HEATR4: variants seen among roughly 807,000 people sequenced by gnomAD.
The protein encoded by HEATR4 is HEAT repeat-containing protein 4.
HEATR4 carries 95 observed loss-of-function variants against 108.8 expected under a neutral mutation model. The observed-to-expected ratio is 0.87, with a 90% CI of 0.74 to 1.04. The LOEUF is 1.04. HEATR4 is among the 50% of genes least tolerant of loss of function. HEATR4 has a pLI of 0.00. For synonymous variants in HEATR4, 443 were observed against 459.4 expected, an observed-to-expected ratio of 0.96 and a Z score of 0.46; for missense variants, 1,152 against 1,253.8, an observed-to-expected ratio of 0.92 and a Z score of 1.23.
chr14:73,612,700 C>T, the HEATR4 span: 2 of 1,399,062 alleles, frequency 1.4e-6, no homozygotes, highest in South Asian at 1.6e-5. Context: ...ACGAAGAGGG[C>T]GCGCTCTTCC....
intron 7 of HEATR4, among the ~76,000 whole-genome samples, chr14:73,510,602 A>T (rs1418410151): frequency 6.6e-6 from 1 of 151,878 alleles, no homozygotes; most frequent in Non-Finnish European, 1.5e-5. Context: ...CGCCTGGCTA[A>T]TTTTTGTATT....
intron 17 of HEATR4, chr14:73,491,640 G>A (rs1473089403): frequency 1.3e-6 from 2 of 1,549,916 alleles, no homozygotes; most frequent in Non-Finnish European, 8.7e-7. Flanking sequence ...CTCTTTGAGT[G>A]GCTCATCGCG....
the HEATR4 span, among the ~76,000 whole-genome samples, chr14:73,598,406 G>C: frequency 6.1e-5 from 9 of 148,180 alleles, no homozygotes; most frequent in Non-Finnish European, 1.0e-4. Context: ...AAAAAAAAAA[G>C]AGAGAGATGG....
chr14:73,491,095 C>T lies in HEATR4; in HGVS notation c.2844+1971G>A, dbSNP rs113149296. The T allele has an allele frequency of 3.7e-5, 59 of 1,600,360 alleles. No individual in the cohort carries two copies. The African/African-American group carries it at 5.5e-4, about 15-fold the overall frequency. ...GCCGGCGCAAGCCCCAGCCACACAG[C>T]GGGTCGGTCCTGGCCCTGCCCTTGA... On this transcript the variant is annotated intron_variant, in intron 17 of 17. Transcript: ENST00000553558.
chr14:73,526,473 G>T (rs1333851623), intron 2 of HEATR4, among the ~76,000 whole-genome samples: 2 of 152,206 alleles, frequency 1.3e-5, no homozygotes, highest in Non-Finnish European at 2.9e-5. Context: ...GAACAAGGGA[G>T]TGCCTGCATC....
chr14:73,612,616 G>T, the HEATR4 span: 7 of 1,419,430 alleles, frequency 4.9e-6, no homozygotes, highest in African/African-American at 1.5e-5. Context: ...GCTGCTGCTG[G>T]GACGAGCCGC....
intron 1 of HEATR4, chr14:73,539,490 G>A (rs1889001854): frequency 8.5e-6 from 1 of 117,694 alleles, no homozygotes; most frequent in African/African-American, 2.8e-5. Context: ...CTTTGGCAGG[G>A]GCTGGTGCAG....
chr14:73,566,819 G>A, the HEATR4 span, among the ~76,000 whole-genome samples: 14,769 of 152,182 alleles, frequency 0.097, 1,147 homozygotes, highest in Non-Finnish European at 0.14. Flanking sequence ...CTCAAGTGCC[G>A]CCAAAGTGGG....
At chr14:73,493,298 G>A in intron 16 of HEATR4, 174 bp from the exon 17 acceptor site, 1 of 586,078 alleles carries the variant, frequency 1.7e-6, no homozygotes, top group Non-Finnish European at 3.1e-6. Context: ...TCTTTCATCT[G>A]AGTTCTTTTT....
chr14:73,593,750 G>A, the HEATR4 span: 3 of 1,613,758 alleles, frequency 1.9e-6, no homozygotes, highest in Non-Finnish European at 2.5e-6. Context: ...ATTGGAGGGG[G>A]CCTCTTGGAA....
At chr14:73,504,860 A>G (rs113562249) in intron 10 of HEATR4, among the ~76,000 whole-genome samples, 6 of 152,180 alleles carry the variant, frequency 3.9e-5, no homozygotes, top group Non-Finnish European at 8.8e-5. Flanking sequence ...ATTGGGAAAT[A>G]ATGGCAAAAA....
chr14:73,591,832 G>A, the HEATR4 span: 3 of 914,494 alleles, frequency 3.3e-6, no homozygotes, highest in Non-Finnish European at 4.5e-6. Flanking sequence ...GGCTTTCTGG[G>A]ACTGCTCAGC....
At chr14:73,479,901 C>G (rs1885179153) in intron 17 of HEATR4, among the ~76,000 whole-genome samples, 1 of 152,078 alleles carries the variant, frequency 6.6e-6, no homozygotes, top group Non-Finnish European at 1.5e-5. Context: ...TCTCAAAAGC[C>G]TAACACCAGG....
chr14:73,594,696 A>G, the HEATR4 span, among the ~76,000 whole-genome samples: 10 of 151,322 alleles, frequency 6.6e-5, no homozygotes, highest in East Asian at 1.4e-3. Context: ...TTATTTATTT[A>G]TTTATTTATT....
chr14:73,526,707 C>G (rs941807159), intron 2 of HEATR4, among the ~76,000 whole-genome samples: 5 of 152,256 alleles, frequency 3.3e-5, no homozygotes, highest in Non-Finnish European at 7.3e-5. Flanking sequence ...GAATCCACTG[C>G]TCTGATGGGT....
chr14:73,524,310 A>AAAAATATATATATATATAT, intron 2 of HEATR4, among the ~76,000 whole-genome samples: 2 of 54,778 alleles, frequency 3.7e-5, no homozygotes, highest in East Asian at 4.5e-4. Flanking sequence ...AAAAAAAAAA[A>AAAAATATATATATATATAT]ATATATATAT....
chr14:73,619,590 T>C, the HEATR4 span: 1 of 1,614,218 alleles, frequency 6.2e-7, no homozygotes, highest in Admixed American at 1.7e-5. Context: ...AGATAGCCTC[T>C]GAAAGGCTAC....
At chr14:73,568,133 A>G in the HEATR4 span, 1 of 152,196 alleles carries the variant, frequency 6.6e-6, no homozygotes, top group East Asian at 1.9e-4. Flanking sequence ...TACAAAGGTA[A>G]TTAGAACTGA....
At position 73,502,942 on chromosome 14, in the gene HEATR4, C is replaced by T. The variant is rs1396678299; in HGVS notation, c.2058G>A (p.Gln686=). The change falls in exon 11 of 18, where the codon CAG becomes CAA. Residue 686 remains glutamine, a synonymous_variant. Coordinates refer to ENST00000553558, the MANE Select transcript of HEATR4 (RefSeq NM_001220484.1). ...WNKEVRRAAA[Q]ALGQMSLGKE... Reference sequence around the variant, plus strand: ...TCCCGAGGCTCATTTGCCCAAGCGCCTGTGCAGCTGCTCTCCTCACTTCCT... The same window carrying T: ...TCCCGAGGCTCATTTGCCCAAGCGCTTGTGCAGCTGCTCTCCTCACTTCCT... 2.5e-6 allele frequency: 4 copies of T among 1,613,994 alleles called. No homozygotes were observed. The highest frequency in any genetic ancestry group is 3.4e-6 in the Non-Finnish European group (4 of 1,180,044).
Sources: allele counts gnomAD v4.1 joint callset (sites outside exome capture counted in the v4.1 genomes callset), GRCh38; gene constraint gnomAD v4.1.1; transcripts MANE v1.5; gene names NCBI Gene and HGNC (gene_info 2026-07-23, HGNC 2026-07-21).